Variants in FA2H observed in about 807,000 individuals in gnomAD.
The protein encoded by FA2H is fatty acid 2-hydroxylase.
In FA2H, 22 loss-of-function variants were observed where a neutral mutation model predicts 44.9. The ratio of observed to expected loss-of-function variants is 0.49; its 90% CI spans 0.35 to 0.70. The LOEUF (loss-of-function observed/expected upper bound fraction) is 0.70. Among genes scored for constraint, FA2H ranks in the 30% least tolerant of loss-of-function variants. FA2H has a pLI of 0.01. For missense variants in FA2H, 501 were observed against 504.9 expected (o/e 0.99, Z 0.07); for synonymous variants, 243 against 213.2 (o/e 1.14, Z -1.22).
At chr16:74,740,474 A>AG (rs1962270471) in intron 1 of FA2H, among the ~76,000 whole-genome samples, 1 of 151,512 alleles carries the variant, frequency 6.6e-6, no homozygotes, top group Non-Finnish European at 1.5e-5. Flanking sequence ...AAAAAAGTTT[A>AG]CCAGGCGTGG....
At chr16:74,757,948 G>A (rs1962639276) in intron 1 of FA2H, among the ~76,000 whole-genome samples, 2 of 152,070 alleles carry the variant, frequency 1.3e-5, no homozygotes, top group African/African-American at 4.8e-5. Flanking sequence ...GAGCCGGGGA[G>A]GTCAAGGCTG....
rs752131780 is a variant in FA2H at position 74,718,979 on chromosome 16, C to T, written c.786+9G>A. The stretch of plus-strand genomic sequence containing the variant: ...TGCTAGGTCCGGGCTGGGACCCCGC[C>T]CCGCTCACCTTGTGGTGCTGGCCGT... On this transcript the variant is annotated intron_variant, in intron 5 of 6. Transcript: ENST00000219368. The T allele has an allele frequency of 6.8e-6, 11 of 1,613,166 alleles. No individual in the cohort carries two copies. Among genetic ancestry groups the T allele is most frequent in the African/African-American group, 2.7e-5 (2 of 74,928 alleles).
chr16:74,716,490 G>A lies in FA2H; in HGVS notation c.896C>T (p.Thr299Ile), dbSNP rs1204200853. ...QLILPEAVGG[T>I]VFAGGLLGYV... ...GCCCAGGAGGCCCCCCGCAAACACA[G>A]TGCCCCCTACTGCCTCGGGCAGGAT... is the stretch of plus-strand genomic sequence containing the variant. Residue 299 changes from threonine (T) to isoleucine (I), a missense_variant, in exon 6 of 7, where the codon ACT (threonine) becomes ATT (isoleucine). By Grantham distance (89) the Thr-to-Ile change is moderately conservative (BLOSUM62 -1). Transcript: ENST00000219368. 2 of 1,613,752 alleles carry A rather than the reference G, an allele frequency of 1.2e-6. No homozygotes were observed. The highest frequency in any genetic ancestry group is 2.2e-5 in the East Asian group (1 of 44,804).
At chr16:74,714,338 G>A in intron 6 of FA2H, 69 bp from the exon 7 acceptor site, 2 of 1,004,112 alleles carry the variant, frequency 2.0e-6, no homozygotes, top group South Asian at 1.4e-5. Context: ...CTTGGGAAGG[G>A]TGCCAGGGTA....
intron 1 of FA2H, among the ~76,000 whole-genome samples, chr16:74,766,191 C>T (rs867601157): frequency 6.6e-6 from 1 of 151,822 alleles, no homozygotes; most frequent in African/African-American, 2.4e-5. Flanking sequence ...CCCAGCTACT[C>T]GGGATGCTGA....
chr16:74,743,163 G>C (rs971734076), intron 1 of FA2H, among the ~76,000 whole-genome samples: 1 of 152,122 alleles, frequency 6.6e-6, no homozygotes, highest in Admixed American at 6.6e-5. Context: ...CTATTTTACA[G>C]TATTTATGAA....
chr16:74,723,769 C>T (rs900919743), intron 4 of FA2H, among the ~76,000 whole-genome samples: 77 of 152,328 alleles, frequency 5.1e-4, no homozygotes, highest in African/African-American at 1.8e-3. Flanking sequence ...AATCCTGGCT[C>T]AGCACCGCCT....
intron 6 of FA2H, among the ~76,000 whole-genome samples, chr16:74,714,531 C>T (rs561548715): frequency 6.6e-6 from 1 of 152,180 alleles, no homozygotes; most frequent in African/African-American, 2.4e-5. Flanking sequence ...CTCCCACCCC[C>T]CACCTCCATC....
intron 2 of FA2H, among the ~76,000 whole-genome samples, chr16:74,729,266 C>A (rs1479430140): frequency 6.6e-6 from 1 of 152,156 alleles, no homozygotes; most frequent in African/African-American, 2.4e-5. Flanking sequence ...GCCTCGGCCT[C>A]CCAAAGTGCT....
intron 1 of FA2H, among the ~76,000 whole-genome samples, chr16:74,765,072 G>C (rs2144662705): frequency 6.6e-6 from 1 of 152,242 alleles, no homozygotes; most frequent in African/African-American, 2.4e-5. Flanking sequence ...GACAAAGGCA[G>C]AAATGAGTGA....
intron 1 of FA2H, among the ~76,000 whole-genome samples, chr16:74,770,924 G>C (rs1189104935): frequency 2.0e-5 from 3 of 152,244 alleles, no homozygotes; most frequent in Non-Finnish European, 2.9e-5. Context: ...GCACATGTGA[G>C]ACTGGGTCCC....
Position 74,716,480 on chromosome 16 carries a change from C to T in FA2H, c.906G>A (p.Ala302=), listed in dbSNP as rs200053706. Residue 302 remains alanine (A), a synonymous_variant, in exon 6 of 7, where the codon GCG becomes GCA. Coordinates refer to ENST00000219368, the MANE Select transcript of FA2H (RefSeq NM_024306.5). ...LPEAVGGTVF[A]GGLLGYVLYD... The stretch of plus-strand genomic sequence containing the variant: ...AGAGGACGTAGCCCAGGAGGCCCCC[C>T]GCAAACACAGTGCCCCCTACTGCCT... 92 of 1,613,852 alleles carry T rather than the reference C, an allele frequency of 5.7e-5. No homozygotes were observed. The highest frequency in any genetic ancestry group is 1.8e-4 in the South Asian group (16 of 91,076).
chr16:74,739,888 G>T, intron 2 of FA2H, 135 bp downstream of exon 2: 1 of 787,220 alleles, frequency 1.3e-6, no homozygotes. Flanking sequence ...CTGGGCTGTG[G>T]ACACCTGCTT....
chr16:74,772,463 C>T (rs994975532), intron 1 of FA2H, among the ~76,000 whole-genome samples: 7 of 152,182 alleles, frequency 4.6e-5, no homozygotes, highest in Non-Finnish European at 1.0e-4. Context: ...AAGACAGGAA[C>T]CGAATTCGTT....
At chr16:74,719,347 G>T (rs368285542) in intron 4 of FA2H, among the ~76,000 whole-genome samples, 187 bp from the exon 5 acceptor site, 1 of 152,320 alleles carries the variant, frequency 6.6e-6, no homozygotes, top group East Asian at 1.9e-4. Flanking sequence ...TCTGGTCTGG[G>T]TCTGGGAAGT....
rs146892672 is a variant in FA2H at position 74,767,091 on chromosome 16, G to A, written c.270+7395C>T. 1.9e-3 allele frequency among the ~76,000 whole-genome samples: 286 copies of A among 152,194 alleles called. 2 individuals carry two copies. Among genetic ancestry groups the A allele is most frequent in the African/African-American group, 4.2e-3 (174 of 41,536 alleles). On this transcript the variant is annotated intron_variant, in intron 1 of 6. Coordinates refer to ENST00000219368, the MANE Select transcript of FA2H (RefSeq NM_024306.5). ...TTTGGGAGGCTGAGGCAGGCAAATC[G>A]CGAGGTTAAGAGATCAAGATCATCC...
At position 74,762,304 on chromosome 16, in the gene FA2H, A is replaced by C. The variant is rs1345566885; in HGVS notation, c.270+12182T>G. ...GTGATCCACCCGCCTCGGCCTCCCA[A>C]AGTGTTGGGATTACAGGCGTGAGCC... On this transcript the variant is annotated intron_variant, in intron 1 of 6. Transcript: ENST00000219368. Among the ~76,000 whole-genome samples the C allele has an allele frequency of 2.0e-5, 3 of 152,098 alleles. No individual in the cohort carries two copies. The South Asian group carries it at 6.2e-4, about 32-fold the overall frequency.
intron 1 of FA2H, among the ~76,000 whole-genome samples, chr16:74,753,544 C>T (rs1962565518): frequency 6.6e-6 from 1 of 152,100 alleles, no homozygotes; most frequent in Non-Finnish European, 1.5e-5. Context: ...GTGGCACGCA[C>T]CTGTAATAAT....
chr16:74,733,835 T>A (rs2240249), intron 2 of FA2H, among the ~76,000 whole-genome samples: 86,520 of 152,130 alleles, frequency 0.57, 25,083 homozygotes, highest in Middle Eastern at 0.7. Context: ...GTCCCCCGCC[T>A]GCCCCCGCTC....
Sources: allele counts gnomAD v4.1 joint callset (sites outside exome capture counted in the v4.1 genomes callset), GRCh38; gene constraint gnomAD v4.1.1; transcripts MANE v1.5; gene names NCBI Gene and HGNC (gene_info 2026-07-23, HGNC 2026-07-21).